Variants in LRRC4C observed in about 807,000 individuals in gnomAD.
LRRC4C encodes leucine rich repeat containing 4C, also known as leucine-rich repeat-containing protein 4C.
Under a neutral mutation model 33.6 loss-of-function variants are expected in LRRC4C, and 5 were observed. The observed-to-expected ratio is 0.15, with a 90% CI of 0.08 to 0.31. LRRC4C has a LOEUF of 0.31. LRRC4C is among the 10% of genes least tolerant of loss of function. LRRC4C has a pLI of 1.00. For missense variants in LRRC4C, 560 were observed against 796.7 expected (o/e 0.70, Z 3.58); for synonymous variants, 329 against 302.0 (o/e 1.09, Z -0.93).
chr11:40,837,734 C>A (rs1410693668), intron 2 of LRRC4C, among the ~76,000 whole-genome samples: 2 of 150,920 alleles, frequency 1.3e-5, no homozygotes, highest in Non-Finnish European at 2.9e-5. Flanking sequence ...CCTGTGGTCC[C>A]AGCTACTGGT....
At chr11:40,835,199 T>G (rs2135579670) in intron 2 of LRRC4C, among the ~76,000 whole-genome samples, 1 of 152,256 alleles carries the variant, frequency 6.6e-6, no homozygotes, top group South Asian at 2.1e-4. Context: ...CAAGGCCAAC[T>G]TATTTTCTCT....
intron 3 of LRRC4C, among the ~76,000 whole-genome samples, chr11:40,562,682 T>C (rs939105422): frequency 7.9e-5 from 12 of 152,194 alleles, no homozygotes; most frequent in Admixed American, 2.6e-4. Flanking sequence ...CTTAGATTTC[T>C]CTTCAAGAGG....
At chr11:40,809,305 C>G (rs1270851514) in intron 2 of LRRC4C, among the ~76,000 whole-genome samples, 1 of 152,178 alleles carries the variant, frequency 6.6e-6, no homozygotes, top group African/African-American at 2.4e-5. Flanking sequence ...CGTTCTCTGT[C>G]TCCTACTTTT....
chr11:41,252,947 CAT>C (rs1948688830), intron 1 of LRRC4C, among the ~76,000 whole-genome samples: 1 of 152,166 alleles, frequency 6.6e-6, no homozygotes, highest in African/African-American at 2.4e-5. Context: ...CCTCCTACAA[CAT>C]GTGGGAATTA....
intron 2 of LRRC4C, among the ~76,000 whole-genome samples, chr11:40,833,825 GTGAC>G (rs1392731235): frequency 6.6e-6 from 1 of 152,116 alleles, no homozygotes; most frequent in Admixed American, 6.6e-5. Context: ...AAATGTGTGT[GTGAC>G]TAATATTAAT....
chr11:41,225,055 A>T (rs1444695551), intron 1 of LRRC4C, among the ~76,000 whole-genome samples: 1 of 152,154 alleles, frequency 6.6e-6, no homozygotes, highest in East Asian at 1.9e-4. Flanking sequence ...GTTCTCATTT[A>T]TCTGTGGGAT....
At chr11:40,663,058 A>C (rs906732621) in intron 2 of LRRC4C, among the ~76,000 whole-genome samples, 9 of 152,134 alleles carry the variant, frequency 5.9e-5, no homozygotes, top group Admixed American at 5.2e-4. Context: ...GGAATAAGTC[A>C]CTTGGATAAG....
intron 3 of LRRC4C, among the ~76,000 whole-genome samples, chr11:40,465,346 C>G (rs542450768): frequency 6.6e-6 from 1 of 151,942 alleles, no homozygotes; most frequent in Non-Finnish European, 1.5e-5. Context: ...AGACCTGAAA[C>G]TGTTAAAATT....
chr11:40,507,375 G>C (rs1955084526), intron 3 of LRRC4C, among the ~76,000 whole-genome samples: 1 of 152,034 alleles, frequency 6.6e-6, no homozygotes, highest in Non-Finnish European at 1.5e-5. Context: ...AACAGCCCTA[G>C]ATATATTTTT....
At chr11:40,551,330 G>A (rs1401794717) in intron 3 of LRRC4C, among the ~76,000 whole-genome samples, 1 of 143,836 alleles carries the variant, frequency 7.0e-6, no homozygotes, top group East Asian at 2.3e-4. Flanking sequence ...TGAGGTGGTT[G>A]CATGAGATCA....
chr11:40,892,865 G>C (rs960364268), intron 2 of LRRC4C, among the ~76,000 whole-genome samples: 6 of 152,062 alleles, frequency 3.9e-5, no homozygotes, highest in African/African-American at 1.4e-4. Flanking sequence ...AGATAGTAGT[G>C]GTTGTTACAC....
intron 1 of LRRC4C, among the ~76,000 whole-genome samples, chr11:41,338,343 C>A (rs1951521883): frequency 6.6e-6 from 1 of 152,126 alleles, no homozygotes; most frequent in Admixed American, 6.5e-5. Flanking sequence ...TACATATACA[C>A]CACAGAATAG....
intron 1 of LRRC4C, among the ~76,000 whole-genome samples, chr11:41,019,149 C>T (rs1855786621): frequency 6.6e-6 from 1 of 151,948 alleles, no homozygotes; most frequent in Non-Finnish European, 1.5e-5. Context: ...TACCTATTGA[C>T]CTGTCCTCTA....
At chr11:40,970,752 A>T (rs1358464591) in intron 1 of LRRC4C, among the ~76,000 whole-genome samples, 2 of 152,168 alleles carry the variant, frequency 1.3e-5, no homozygotes, top group Non-Finnish European at 2.9e-5. Flanking sequence ...AGTGATATGG[A>T]CAGTGAAGTC....
intron 1 of LRRC4C, among the ~76,000 whole-genome samples, chr11:41,284,597 C>T (rs958140487): frequency 1.9e-4 from 29 of 152,152 alleles, no homozygotes; most frequent in African/African-American, 6.5e-4. Context: ...CCAGCCTCTC[C>T]GCTCCAGGCA....
At chr11:40,536,482 G>A (rs545224983) in intron 3 of LRRC4C, among the ~76,000 whole-genome samples, 2 of 152,194 alleles carry the variant, frequency 1.3e-5, no homozygotes, top group South Asian at 4.1e-4. Context: ...GTGAGCCACC[G>A]TGCCCGGCCC....
intron 1 of LRRC4C, among the ~76,000 whole-genome samples, chr11:41,398,407 C>T (rs955905202): frequency 2.0e-5 from 3 of 151,972 alleles, no homozygotes; most frequent in East Asian, 1.9e-4. Context: ...TCTTCAGATA[C>T]GATTCTTGAA....
chr11:40,818,436 T>C (rs538500955), intron 2 of LRRC4C, among the ~76,000 whole-genome samples: 12 of 152,230 alleles, frequency 7.9e-5, no homozygotes, highest in African/African-American at 2.9e-4. Flanking sequence ...ATATATCAAA[T>C]AAGCTCTGGT....
intron 1 of LRRC4C, among the ~76,000 whole-genome samples, chr11:41,001,093 G>C (rs1418336657): frequency 6.6e-6 from 1 of 151,894 alleles, no homozygotes; most frequent in East Asian, 1.9e-4. Context: ...ATAATACCTG[G>C]TACAAAGGAG....
Sources: gnomAD v4.1 joint callset for allele counts (sites outside exome capture counted in the v4.1 genomes callset) on GRCh38, gnomAD v4.1.1 for gene constraint, MANE v1.5 for transcripts, NCBI Gene and HGNC (gene_info 2026-07-23, HGNC 2026-07-21) for gene names.